ACBD5: variants seen among roughly 807,000 people sequenced by gnomAD.
ACBD5 encodes acyl-CoA-binding domain-containing protein 5.
ACBD5 carries 40 observed loss-of-function variants against 71.8 expected under a neutral mutation model. The observed-to-expected ratio is 0.56, with a 90% CI of 0.43 to 0.72. The LOEUF (loss-of-function observed/expected upper bound fraction) is 0.72. Among genes scored for constraint, ACBD5 ranks in the 30% least tolerant of loss-of-function variants. The probability of loss-of-function intolerance (pLI) is 0.00; values close to 1 mark genes in which losing one functional copy is unlikely to be tolerated. For missense variants in ACBD5, 559 were observed against 644.5 expected, an observed-to-expected ratio of 0.87 and a Z score of 1.44; for synonymous variants, 229 against 218.6, an observed-to-expected ratio of 1.05 and a Z score of -0.42.
chr10:27,233,293 G>C (rs2064143809), intron 3 of ACBD5, among the ~76,000 whole-genome samples: 1 of 152,126 alleles, frequency 6.6e-6, no homozygotes, highest in Non-Finnish European at 1.5e-5. Context: ...CAGGCGTGGT[G>C]GCACGCGCCT....
rs1421586919 is a variant in ACBD5, at chr10:27,225,262, T to C, written c.376-1810A>G. Among the ~76,000 whole-genome samples, 5 of 152,090 alleles carry C rather than the reference T, an allele frequency of 3.3e-5. No individual in the cohort carries two copies. In the East Asian group the frequency reaches 9.6e-4, roughly 29 times the overall value. On this transcript the variant is annotated intron_variant, in intron 4 of 12. Coordinates refer to ENST00000396271, the MANE Select transcript of ACBD5 (RefSeq NM_145698.5). ...CCTCCCAAAGTGCTGGGGTTATAGG[T>C]GTTAGCCACTGCGCCTGGCCAAAAC...
intron 13 of ACBD5, among the ~76,000 whole-genome samples, chr10:27,188,139 T>C (rs2058885882): frequency 6.6e-6 from 1 of 152,214 alleles, no homozygotes; most frequent in African/African-American, 2.4e-5. Context: ...AGATACACCA[T>C]TATAATTAGT....
chr10:27,188,368 C>CA (rs1337092392), intron 13 of ACBD5, among the ~76,000 whole-genome samples: 3 of 152,100 alleles, frequency 2.0e-5, no homozygotes, highest in African/African-American at 7.2e-5. Context: ...GAATCAAACA[C>CA]AAATTGTTGA....
intron 4 of ACBD5, among the ~76,000 whole-genome samples, chr10:27,224,377 T>C (rs1484502919): frequency 1.3e-5 from 2 of 151,848 alleles, no homozygotes; most frequent in East Asian, 3.9e-4. Flanking sequence ...AGATCTTGTC[T>C]CCAAAAAAAT....
At chr10:27,237,866 CG>C (rs1230650286) in intron 2 of ACBD5, among the ~76,000 whole-genome samples, 2 of 151,968 alleles carry the variant, frequency 1.3e-5, no homozygotes, top group Non-Finnish European at 2.9e-5. Flanking sequence ...GGGCCTGCCT[CG>C]ATCTCCCAAA....
intron 12 of ACBD5, among the ~76,000 whole-genome samples, chr10:27,200,387 G>C (rs112037967): frequency 6.6e-6 from 1 of 151,934 alleles, no homozygotes; most frequent in Non-Finnish European, 1.5e-5. Flanking sequence ...CCCTTGTTTA[G>C]AAATAACCAC....
chr10:27,235,354 A>G, intron 2 of ACBD5, 142 bp from the exon 3 acceptor site: 1 of 1,116,160 alleles, frequency 9.0e-7, no homozygotes, highest in African/African-American at 1.6e-5. Flanking sequence ...TATAGAAACA[A>G]AAGTTATGGT....
Position 27,235,214 on chromosome 10 carries a change from T to C in ACBD5, c.182-2A>G. On this transcript the variant is annotated splice_acceptor_variant, in intron 2 of 12. Coordinates refer to ENST00000396271, the MANE Select transcript of ACBD5 (RefSeq NM_145698.5). LOFTEE classifies it high-confidence loss of function. The stretch of plus-strand genomic sequence containing the variant: ...TTTCATTTGTTGGCTGGAATGAACC[T>C]GTTGGAAACACACATTAAATACAAA... 6.2e-7 allele frequency: 1 copy of C among 1,613,918 alleles called. No homozygotes were observed. The highest frequency in any genetic ancestry group is 8.5e-7 in the Non-Finnish European group (1 of 1,179,894).
In ACBD5 at chr10:27,240,530, G is replaced by A. The variant is rs745831645; in HGVS notation, c.16-46C>T. On this transcript the variant is annotated intron_variant, in intron 1 of 12. Transcript: ENST00000396271. The surrounding 1 kb of genome is among the most constrained non-coding windows in gnomAD (Gnocchi z 4.1). ...GCGGATCAACATGCCCCAAAAGGAG[G>A]AGGCCCGGGAGCGAAGCGGGTCAGT... The A allele has an allele frequency of 3.2e-6, 5 of 1,559,092 alleles. No individual in the cohort carries two copies. The African/African-American group carries it at 5.4e-5, about 17-fold the overall frequency.
Position 27,223,068 on chromosome 10 carries a change from T to C in ACBD5, c.490+270A>G, listed in dbSNP as rs1474260749. 8 of 644,104 alleles carry C rather than the reference T, an allele frequency of 1.2e-5. No individual in the cohort carries two copies. The East Asian group carries it at 1.9e-4, about 15-fold the overall frequency. The allele number at this position is 644,104 out of a possible 1,614,324, so 39.9% of individuals were successfully genotyped here. On this transcript the variant is annotated intron_variant, in intron 5 of 12. Transcript: ENST00000396271. ...GGGTTAAAATTTTAAGGGTTTATAA[T>C]GTTTTGGAACTTCATATAATGTGTT...
chr10:27,234,862 G>A (rs1023694154), intron 3 of ACBD5, among the ~76,000 whole-genome samples: 25 of 152,130 alleles, frequency 1.6e-4, no homozygotes, highest in Admixed American at 1.6e-3. Flanking sequence ...AACCCAGGAG[G>A]CAGAGGCTGC....
intron 8 of ACBD5, among the ~76,000 whole-genome samples, chr10:27,213,626 G>A (rs144519747): frequency 0.01 from 1,581 of 152,070 alleles, 12 homozygotes; most frequent in Middle Eastern, 0.027. Flanking sequence ...GCATGGTGGC[G>A]CATGTCTGTA....
rs1410357960 is a variant in ACBD5, at chr10:27,195,882, A to G, written c.*1548T>C. The G allele has an allele frequency of 6.6e-6, 3 of 453,708 alleles. No individual in the cohort carries two copies. The highest frequency in any genetic ancestry group is 4.7e-5 in the South Asian group (3 of 64,366). 28.1% of individuals were successfully genotyped at this position (453,708 alleles called of 1,614,324 possible). A position where few individuals can be genotyped will look rare whatever the true frequency, so the allele number is the denominator to read the frequency against. On this transcript the variant is annotated 3_prime_UTR_variant, in exon 13 of 13. Transcript: ENST00000396271. The stretch of plus-strand genomic sequence containing the variant: ...GTGAACATATGATGTTAAACCCAAC[A>G]TCATACATCTTGAGAATGCTTAAAA...
intron 12 of ACBD5, among the ~76,000 whole-genome samples, chr10:27,201,192 G>A (rs1282582672): frequency 1.3e-5 from 2 of 152,174 alleles, no homozygotes; most frequent in Non-Finnish European, 2.9e-5. Flanking sequence ...CAAAGTAATA[G>A]TTTAAGAGTA....
intron 9 of ACBD5, among the ~76,000 whole-genome samples, chr10:27,209,882 C>T (rs894439873): frequency 3.9e-5 from 6 of 152,154 alleles, no homozygotes; most frequent in African/African-American, 1.2e-4. Context: ...TGAAATAATT[C>T]ACTCAACCAT....
chr10:27,228,541 C>T (rs1371360590), intron 4 of ACBD5, among the ~76,000 whole-genome samples: 2 of 151,754 alleles, frequency 1.3e-5, no homozygotes, highest in East Asian at 3.9e-4. Flanking sequence ...GGCGCCGTTA[C>T]ACTCTAGCCC....
intron 13 of ACBD5, among the ~76,000 whole-genome samples, chr10:27,185,602 C>T (rs1244008402): frequency 7.5e-6 from 1 of 132,796 alleles, no homozygotes; most frequent in Non-Finnish European, 1.6e-5. Context: ...CATTGCACTC[C>T]AGCCTAGGTG....
At chr10:27,228,815 A>ATATATATATATATATATATTTTT (rs1554856598) in intron 4 of ACBD5, among the ~76,000 whole-genome samples, 1 of 20,368 alleles carries the variant, frequency 4.9e-5, no homozygotes, top group Non-Finnish European at 1.3e-4. Flanking sequence ...ATATATATAT[A>ATATATATATATATATATATTTTT]TTTTTTTTTT....
Position 27,225,078 on chromosome 10 carries a change from T to TTC in ACBD5, c.376-1627_376-1626insGA, listed in dbSNP as rs1360434633. ...GGCTCCCTCTCTCTCGCTCTCTTTC[T>TTC]TTTTTTTTTTTTTTGGAGACAGCGT... On this transcript the variant is annotated intron_variant, in intron 4 of 12. Coordinates refer to ENST00000396271, the MANE Select transcript of ACBD5 (RefSeq NM_145698.5). Among the ~76,000 whole-genome samples the TTC allele has an allele frequency of 2.5e-4, 3 of 12,064 alleles. No homozygotes were observed. The East Asian group carries it at 3.1e-3, about 12-fold the overall frequency. 7.9% of individuals were successfully genotyped at this position (12,064 alleles called of 152,430 possible).
Sources: gnomAD v4.1 joint callset for allele counts (sites outside exome capture counted in the v4.1 genomes callset) on GRCh38, gnomAD v4.1.1 for gene constraint, Gnocchi (gnomAD v3.1) non-coding constraint, MANE v1.5 for transcripts, NCBI Gene and HGNC (gene_info 2026-07-23, HGNC 2026-07-21) for gene names.